Variants in HPSE2 observed in about 807,000 individuals in gnomAD.
The protein encoded by HPSE2 is heparanase 2 (inactive), also known as inactive heparanase-2.
In HPSE2, 38 loss-of-function variants were observed where a neutral mutation model predicts 60.5. The observed-to-expected ratio is 0.63, with a 90% CI of 0.48 to 0.82. HPSE2 has a LOEUF of 0.82. Ranked by LOEUF, HPSE2 falls within the 40% of genes least tolerant of loss-of-function variation. The pLI, the probability that HPSE2 is intolerant of heterozygous loss-of-function variation, is 0.00. For synonymous variants in HPSE2, 295 were observed against 293.2 expected (o/e 1.01, Z -0.06); for missense variants, 713 against 740.4 (o/e 0.96, Z 0.43).
intron 2 of HPSE2, among the ~76,000 whole-genome samples, chr10:99,194,001 C>A (rs1389543280): frequency 1.3e-5 from 2 of 152,002 alleles, no homozygotes; most frequent in African/African-American, 4.8e-5. Flanking sequence ...GTACATAGGT[C>A]ATTCCCAAAA....
chr10:98,759,640 C>T (rs1949961082), intron 3 of HPSE2, among the ~76,000 whole-genome samples: 1 of 152,042 alleles, frequency 6.6e-6, no homozygotes, highest in South Asian at 2.1e-4. Context: ...TGTTCTGTTA[C>T]ATTGATCTAT....
At chr10:98,481,484 TA>T (rs1941231062) in intron 11 of HPSE2, among the ~76,000 whole-genome samples, 1 of 152,006 alleles carries the variant, frequency 6.6e-6, no homozygotes, top group South Asian at 2.1e-4. Flanking sequence ...AGAAAGGGGA[TA>T]AAATACTCAA....
chr10:98,590,213 C>A (rs1156856288), intron 9 of HPSE2, among the ~76,000 whole-genome samples: 1 of 152,222 alleles, frequency 6.6e-6, no homozygotes, highest in Non-Finnish European at 1.5e-5. Context: ...GAGGCCGAGG[C>A]AGGTGGATCA....
intron 2 of HPSE2, among the ~76,000 whole-genome samples, chr10:99,149,168 T>C (rs947305087): frequency 2.0e-5 from 3 of 151,960 alleles, no homozygotes; most frequent in Non-Finnish European, 2.9e-5. Flanking sequence ...ATTATGGGAG[T>C]ACCCAAGAAC....
rs189228521 is a variant in HPSE2 at position 98,525,375 on chromosome 10, C to G, written c.1321-35179G>C. ...GCCCATTTAGTCCCCACCCAAACAA[C>G]TCTTCGCCATCACAACATCTCCTTC... On this transcript the variant is annotated intron_variant, in intron 9 of 11. Transcript: ENST00000370552. 7.2e-4 allele frequency among the ~76,000 whole-genome samples: 110 copies of G among 152,354 alleles called. 1 individual carries two copies. In the East Asian group the frequency reaches 0.018, roughly 25 times the overall value.
chr10:99,033,170 T>C (rs1032982035), intron 3 of HPSE2, among the ~76,000 whole-genome samples: 7 of 152,192 alleles, frequency 4.6e-5, no homozygotes, highest in African/African-American at 9.6e-5. Flanking sequence ...TAGATACATA[T>C]ATATTTCTTA....
chr10:99,203,735 G>T lies in HPSE2; in HGVS notation c.448+28613C>A, dbSNP rs188264118. 5.6e-3 allele frequency among the ~76,000 whole-genome samples: 856 copies of T among 151,930 alleles called. 7 individuals are homozygous for T. The highest frequency in any genetic ancestry group is 0.02 in the African/African-American group (809 of 41,424). On this transcript the variant is annotated intron_variant, in intron 2 of 11. Coordinates refer to ENST00000370552, the MANE Select transcript of HPSE2 (RefSeq NM_021828.5). ...ACACGCTGAACCAACCGCCAGGCTG[G>T]CCCTAGTGGACCCAGTCTCCAGGGA...
At chr10:98,477,519 C>T (rs1176516581) in intron 11 of HPSE2, among the ~76,000 whole-genome samples, 1 of 152,174 alleles carries the variant, frequency 6.6e-6, no homozygotes, top group Non-Finnish European at 1.5e-5. Context: ...AAGTTGCTTC[C>T]CTCTTTCCTA....
At chr10:99,154,882 G>A (rs1846465932) in intron 2 of HPSE2, among the ~76,000 whole-genome samples, 1 of 152,046 alleles carries the variant, frequency 6.6e-6, no homozygotes, top group Admixed American at 6.5e-5. Flanking sequence ...GACACACATA[G>A]GCTCAAAATA....
At chr10:98,881,549 T>C (rs1419920536) in intron 3 of HPSE2, among the ~76,000 whole-genome samples, 2 of 152,086 alleles carry the variant, frequency 1.3e-5, no homozygotes, top group Admixed American at 6.6e-5. Flanking sequence ...GGATTTTAGG[T>C]GACAGTGAAG....
chr10:99,188,144 C>T (rs1454761598), intron 2 of HPSE2, among the ~76,000 whole-genome samples: 1 of 152,140 alleles, frequency 6.6e-6, no homozygotes, highest in African/African-American at 2.4e-5. Flanking sequence ...TGTATATATA[C>T]ATTCAACATA....
intron 2 of HPSE2, among the ~76,000 whole-genome samples, chr10:99,174,120 C>A (rs765839094): frequency 6.6e-6 from 1 of 152,122 alleles, no homozygotes; most frequent in Non-Finnish European, 1.5e-5. Context: ...ATTTTTCTAA[C>A]AAAAGTGAAC....
chr10:98,465,751 C>A (rs534600626), intron 11 of HPSE2, among the ~76,000 whole-genome samples: 74 of 152,294 alleles, frequency 4.9e-4, no homozygotes, highest in African/African-American at 1.7e-3. Flanking sequence ...TGGCTCGTGA[C>A]TTTTTAAATC....
the HPSE2 span, among the ~76,000 whole-genome samples, chr10:99,302,551 G>C: frequency 6.6e-6 from 1 of 152,114 alleles, no homozygotes; most frequent in African/African-American, 2.4e-5. Context: ...TCAGCCACAC[G>C]ATATTATACC....
intron 9 of HPSE2, among the ~76,000 whole-genome samples, chr10:98,613,338 C>T (rs1945812577): frequency 1.3e-5 from 2 of 152,188 alleles, no homozygotes; most frequent in Non-Finnish European, 2.9e-5. Flanking sequence ...CTCTCTTTTA[C>T]CCCTCTCCAC....
intron 5 of HPSE2, among the ~76,000 whole-genome samples, chr10:98,709,734 C>T (rs145245975): frequency 1.2e-3 from 178 of 152,304 alleles, no homozygotes; most frequent in Non-Finnish European, 2.2e-3. Flanking sequence ...TGTTATCCAC[C>T]TGCACATATG....
chr10:98,627,336 CATG>C (rs1565028525), intron 7 of HPSE2, among the ~76,000 whole-genome samples: 1 of 152,090 alleles, frequency 6.6e-6, no homozygotes, highest in Non-Finnish European at 1.5e-5. Flanking sequence ...ATTAGCCAAT[CATG>C]GTGGCTTGTG....
intron 9 of HPSE2, among the ~76,000 whole-genome samples, chr10:98,546,886 A>T (rs1454545862): frequency 6.7e-6 from 1 of 149,158 alleles, no homozygotes; most frequent in Non-Finnish European, 1.5e-5. Flanking sequence ...AATGGGAGAA[A>T]ATTTTCTCAA....
intron 6 of HPSE2, among the ~76,000 whole-genome samples, chr10:98,685,807 G>A (rs1404196717): frequency 6.6e-6 from 1 of 152,114 alleles, no homozygotes; most frequent in African/African-American, 2.4e-5. Context: ...CATATACTTA[G>A]TTATATAAGA....
Sources: gnomAD v4.1 joint callset for allele counts (sites outside exome capture counted in the v4.1 genomes callset) on GRCh38, gnomAD v4.1.1 for gene constraint, MANE v1.5 for transcripts, NCBI Gene and HGNC (gene_info 2026-07-23, HGNC 2026-07-21) for gene names.